TAFA1: variants seen among roughly 807,000 people sequenced by gnomAD.
The protein encoded by TAFA1 is TAFA chemokine like family member 1, also known as chemokine-like protein TAFA-1.
TAFA1 carries 4 observed loss-of-function variants against 18.5 expected under a neutral mutation model. The ratio of observed to expected loss-of-function variants is 0.22; its 90% CI spans 0.11 to 0.49. The LOEUF (loss-of-function observed/expected upper bound fraction) is 0.49. Ranked by LOEUF, TAFA1 falls within the 20% of genes least tolerant of loss-of-function variation. The pLI is 0.98. For missense variants in TAFA1, 147 were observed against 169.0 expected, an observed-to-expected ratio of 0.87 and a Z score of 0.72; for synonymous variants, 56 against 55.2, an observed-to-expected ratio of 1.01 and a Z score of -0.06.
At chr3:68,207,091 G>A (rs1444383896) in intron 2 of TAFA1, among the ~76,000 whole-genome samples, 1 of 151,812 alleles carries the variant, frequency 6.6e-6, no homozygotes, top group Non-Finnish European at 1.5e-5. Flanking sequence ...GCCTGGTAAG[G>A]ACTACCCTGA....
At chr3:68,198,134 C>T (rs1205724093) in intron 2 of TAFA1, among the ~76,000 whole-genome samples, 1 of 151,584 alleles carries the variant, frequency 6.6e-6, no homozygotes, top group African/African-American at 2.4e-5. Context: ...CAATGTGGAG[C>T]CTTTTCAGAC....
At chr3:67,997,207 A>C in the TAFA1 span, among the ~76,000 whole-genome samples, 1 of 152,248 alleles carries the variant, frequency 6.6e-6, no homozygotes, top group African/African-American at 2.4e-5. Context: ...ACATCTTACA[A>C]TTCTGAGCAA....
chr3:68,252,850 G>C (rs1295181007), intron 2 of TAFA1, among the ~76,000 whole-genome samples: 1 of 152,124 alleles, frequency 6.6e-6, no homozygotes, highest in African/African-American at 2.4e-5. Context: ...CCCAGTTGCA[G>C]GTAATTGAAT....
At chr3:68,070,667 C>G (rs1452463482) in intron 2 of TAFA1, among the ~76,000 whole-genome samples, 1 of 152,202 alleles carries the variant, frequency 6.6e-6, no homozygotes, top group Non-Finnish European at 1.5e-5. Context: ...TGCTCTGTTT[C>G]CCTTATAAAA....
rs528126738 is a variant in TAFA1, at chr3:68,382,700, G to T, written c.119-34580G>T. On this transcript the variant is annotated intron_variant, in intron 2 of 4. Coordinates refer to ENST00000478136, the MANE Select transcript of TAFA1 (RefSeq NM_213609.4). ...GGATTGCCTTTTTGAGCTTTTTTAT[G>T]GTTCCATATGAACTTTAAAATACTA... is the stretch of plus-strand genomic sequence containing the variant. 3.3e-5 allele frequency among the ~76,000 whole-genome samples: 5 copies of T among 151,952 alleles called. No homozygotes were observed. The South Asian group carries it at 1.0e-3, about 32-fold the overall frequency.
chr3:68,197,671 A>C (rs1267625849), intron 2 of TAFA1, among the ~76,000 whole-genome samples: 15 of 151,624 alleles, frequency 9.9e-5, no homozygotes, highest in Non-Finnish European at 8.9e-5. Context: ...AATCGAGCAA[A>C]GCATGAATAT....
intron 2 of TAFA1, among the ~76,000 whole-genome samples, chr3:68,305,453 A>T (rs2068398239): frequency 8.9e-6 from 1 of 112,514 alleles, no homozygotes; most frequent in Admixed American, 9.3e-5. Context: ...ATATATATAT[A>T]TATAGGTAGA....
At chr3:68,381,879 C>T (rs1050093069) in intron 2 of TAFA1, among the ~76,000 whole-genome samples, 30 of 152,240 alleles carry the variant, frequency 2.0e-4, no homozygotes, top group African/African-American at 7.2e-4. Flanking sequence ...CCAGTTTTTG[C>T]CCATTCAGTA....
intron 2 of TAFA1, among the ~76,000 whole-genome samples, chr3:68,211,367 A>G (rs1399711928): frequency 2.0e-5 from 3 of 152,080 alleles, no homozygotes; most frequent in Admixed American, 1.3e-4. Context: ...TGTGAAGGAT[A>G]TATTTAAGAG....
At chr3:68,339,385 T>C (rs1296247062) in intron 2 of TAFA1, among the ~76,000 whole-genome samples, 2 of 152,342 alleles carry the variant, frequency 1.3e-5, no homozygotes, top group East Asian at 1.9e-4. Flanking sequence ...ATGGGCTCAG[T>C]AGAGATTGTG....
At chr3:68,221,970 G>C (rs1304888040) in intron 2 of TAFA1, among the ~76,000 whole-genome samples, 1 of 152,164 alleles carries the variant, frequency 6.6e-6, no homozygotes, top group Non-Finnish European at 1.5e-5. Context: ...AAGGTGTTTT[G>C]GGGTCAACTG....
At chr3:68,363,967 T>C (rs1422533947) in intron 2 of TAFA1, among the ~76,000 whole-genome samples, 1 of 152,184 alleles carries the variant, frequency 6.6e-6, no homozygotes, top group African/African-American at 2.4e-5. Context: ...TGAAAAACTG[T>C]TTCCAGCTGA....
rs1021547962 is a variant in TAFA1, at chr3:68,044,083, C to T, written c.118+37339C>T. On this transcript the variant is annotated intron_variant, in intron 2 of 4. Coordinates refer to ENST00000478136, the MANE Select transcript of TAFA1 (RefSeq NM_213609.4). Reference sequence around the variant, plus strand: ...AAGACCCAAGTCTGGTACCATGTTTCACAAACATACTGTGTCCTTAGATTT... The same window carrying T: ...AAGACCCAAGTCTGGTACCATGTTTTACAAACATACTGTGTCCTTAGATTT... 3.9e-5 allele frequency among the ~76,000 whole-genome samples: 6 copies of T among 152,152 alleles called. No individual in the cohort carries two copies. The South Asian group carries it at 1.0e-3, about 26-fold the overall frequency.
At chr3:68,093,203 G>T (rs1489863531) in intron 2 of TAFA1, among the ~76,000 whole-genome samples, 1 of 152,052 alleles carries the variant, frequency 6.6e-6, no homozygotes, top group Non-Finnish European at 1.5e-5. Context: ...GGCCTTCATT[G>T]AGTTTAATTC....
intron 3 of TAFA1, among the ~76,000 whole-genome samples, chr3:68,429,332 T>C (rs1416102345): frequency 6.6e-6 from 1 of 151,924 alleles, no homozygotes; most frequent in African/African-American, 2.4e-5. Context: ...ATTTATTACT[T>C]ATATCATCCT....
At chr3:68,364,079 G>C (rs1017578728) in intron 2 of TAFA1, among the ~76,000 whole-genome samples, 4 of 152,184 alleles carry the variant, frequency 2.6e-5, no homozygotes, top group African/African-American at 9.7e-5. Context: ...GAAAAAAGCT[G>C]AGAAATTTAC....
At chr3:68,452,779 A>T (rs565112162) in intron 3 of TAFA1, among the ~76,000 whole-genome samples, 58 of 152,284 alleles carry the variant, frequency 3.8e-4, no homozygotes, top group African/African-American at 1.4e-3. Flanking sequence ...GAACATGCCC[A>T]TTTAACATAT....
chr3:68,125,728 G>T (rs144848708), intron 2 of TAFA1, among the ~76,000 whole-genome samples: 2 of 152,244 alleles, frequency 1.3e-5, no homozygotes, highest in East Asian at 3.9e-4. Flanking sequence ...CCACTGCTGT[G>T]GTGGGCAGTG....
At chr3:68,201,924 A>G (rs2066473822) in intron 2 of TAFA1, among the ~76,000 whole-genome samples, 1 of 151,670 alleles carries the variant, frequency 6.6e-6, no homozygotes, top group Non-Finnish European at 1.5e-5. Context: ...GGCAAAACCC[A>G]AGAGGCATCC....
Sources: gnomAD v4.1 joint callset for allele counts (sites outside exome capture counted in the v4.1 genomes callset) on GRCh38, gnomAD v4.1.1 for gene constraint, MANE v1.5 for transcripts, NCBI Gene and HGNC (gene_info 2026-07-23, HGNC 2026-07-21) for gene names.